CFAP57: variants seen among roughly 807,000 people sequenced by gnomAD.
The protein encoded by CFAP57 is cilia and flagella associated protein 57.
Under a neutral mutation model 146.8 loss-of-function variants are expected in CFAP57, and 116 were observed. The ratio of observed to expected loss-of-function variants is 0.79; its 90% CI spans 0.68 to 0.92. The LOEUF (loss-of-function observed/expected upper bound fraction) is 0.92, where lower values mean the gene tolerates loss of function less well. Ranked by LOEUF, CFAP57 falls within the 40% of genes least tolerant of loss-of-function variation. CFAP57 has a pLI of 0.00. For missense variants in CFAP57, 1,377 were observed against 1,527.2 expected, an observed-to-expected ratio of 0.90 and a Z score of 1.64; for synonymous variants, 518 against 552.8, an observed-to-expected ratio of 0.94 and a Z score of 0.88.
intron 2 of CFAP57, 143 bp downstream of exon 2, chr1:43,173,053 G>T: frequency 1.4e-6 from 1 of 715,638 alleles, no homozygotes; most frequent in Admixed American, 2.2e-5. Flanking sequence ...AATAAATGGC[G>T]ACTTGTATTA....
intron 8 of CFAP57, 57 bp downstream of exon 8, chr1:43,198,703 A>G (rs1042122978): frequency 8.2e-5 from 131 of 1,594,400 alleles, no homozygotes; most frequent in Middle Eastern, 3.5e-4. Context: ...CACGGCTGAA[A>G]TATCAGGAAC....
chr1:43,243,454 G>C (rs1235023409), intron 22 of CFAP57, 95 bp downstream of exon 22: 1 of 1,344,958 alleles, frequency 7.4e-7, no homozygotes, highest in African/African-American at 1.5e-5. Flanking sequence ...TCTGTATCAG[G>C]TCCCATCTAC....
chr1:43,227,128 T>C lies in CFAP57; in HGVS notation c.3009+2T>C. 1 of 1,524,624 alleles carries C rather than the reference T, an allele frequency of 6.6e-7. No homozygotes were observed. Among genetic ancestry groups the C allele is most frequent in the South Asian group, 1.3e-5 (1 of 79,506 alleles). The allele number at this position is 1,524,624 out of a possible 1,614,324, so 94.4% of individuals were successfully genotyped here. A position where few individuals can be genotyped will look rare whatever the true frequency, so the allele number is the denominator to read the frequency against. On this transcript the variant is annotated splice_donor_variant, in intron 18 of 22. Transcript: ENST00000372492. LOFTEE classifies it high-confidence loss of function. ...GTGATGAAGGAACAGATTCAGGAGG[T>C]AAGAAGCCATTTGCAACACTCTGGC... is the stretch of plus-strand genomic sequence containing the variant.
rs1645410238 is a variant in CFAP57, at chr1:43,181,615, A to G, written c.239A>G (p.Glu80Gly). The change falls in exon 3 of 23, where the codon GAA (glutamate) becomes GGA (glycine). Residue 80 changes from glutamate to glycine, a missense_variant. Transcript: ENST00000372492. ...RYLAISETVQEKPAITIYELS... is the reference protein window; with the variant it reads ...RYLAISETVQGKPAITIYELS... ...CTCGCTATCTCTGAGACTGTGCAAG[A>G]AAAACCTGCCATCACCATTTATGAA... is the stretch of plus-strand genomic sequence containing the variant. 6.2e-7 allele frequency: 1 copy of G among 1,614,208 alleles called. No homozygotes were observed.
chr1:43,213,830 A>C (rs1175836213), intron 11 of CFAP57, among the ~76,000 whole-genome samples: 1 of 149,976 alleles, frequency 6.7e-6, no homozygotes, highest in African/African-American at 2.5e-5. Flanking sequence ...TTTTTCATAT[A>C]CCTGTTGGCC....
At chr1:43,180,134 AGGT>A (rs1179170749) in intron 2 of CFAP57, among the ~76,000 whole-genome samples, 1 of 151,194 alleles carries the variant, frequency 6.6e-6, no homozygotes, top group Non-Finnish European at 1.5e-5. Flanking sequence ...TGAACCTGGG[AGGT>A]GGTGGTTGTG....
At chr1:43,232,296 C>T (rs951734462) in intron 18 of CFAP57, 5 of 592,204 alleles carry the variant, frequency 8.4e-6, no homozygotes, top group Non-Finnish European at 1.5e-5. Flanking sequence ...CGTGGAAACA[C>T]GTGATGCTGG....
At position 43,186,663 on chromosome 1, in the gene CFAP57, A is replaced by G. The variant is rs1040350554; in HGVS notation, c.970-44A>G. On this transcript the variant is annotated intron_variant, in intron 5 of 22. Transcript: ENST00000372492. ...ACTCTGAAAGCCTAAGGCCACAATG[A>G]CAACGTGGGGACATTACTGATAGCT... 7 of 1,592,944 alleles carry G rather than the reference A, an allele frequency of 4.4e-6. No homozygotes were observed. The African/African-American group carries it at 5.4e-5, about 12-fold the overall frequency.
intron 9 of CFAP57, among the ~76,000 whole-genome samples, chr1:43,203,241 A>T (rs1267317268): frequency 6.6e-6 from 1 of 152,122 alleles, no homozygotes; most frequent in East Asian, 1.9e-4. Context: ...AGAAAACTCT[A>T]GGCCCAGATC....
intron 12 of CFAP57, 25 bp downstream of exon 12, chr1:43,215,441 G>A: frequency 6.5e-7 from 1 of 1,545,096 alleles, no homozygotes; most frequent in Non-Finnish European, 8.7e-7. Context: ...TAATGAAGAG[G>A]GATATGGAAT....
chr1:43,209,310 T>G (rs1644491396), intron 10 of CFAP57, among the ~76,000 whole-genome samples: 1 of 152,320 alleles, frequency 6.6e-6, no homozygotes, highest in East Asian at 1.9e-4. Context: ...TGCATAGCAG[T>G]CAAAGCAGAG....
intron 2 of CFAP57, among the ~76,000 whole-genome samples, chr1:43,180,147 G>C (rs565300550): frequency 4.0e-5 from 6 of 150,782 alleles, no homozygotes; most frequent in Non-Finnish European, 2.9e-5. Flanking sequence ...TGGTGGTTGT[G>C]GTGAGCCGAG....
intron 21 of CFAP57, among the ~76,000 whole-genome samples, chr1:43,239,457 G>A (rs1645826277): frequency 6.6e-6 from 1 of 152,090 alleles, no homozygotes; most frequent in Non-Finnish European, 1.5e-5. Flanking sequence ...GAGGGTGGAG[G>A]GGGTGGGGAG....
At chr1:43,234,675 A>G in intron 21 of CFAP57, 37 bp downstream of exon 21, 6 of 1,527,002 alleles carry the variant, frequency 3.9e-6, no homozygotes, top group Non-Finnish European at 5.3e-6. Context: ...GTGGAGGCCA[A>G]GCCATCCAAG....
chr1:43,209,976 C>T (rs868140941), intron 11 of CFAP57, 60 bp downstream of exon 11: 1 of 1,613,484 alleles, frequency 6.2e-7, no homozygotes, highest in South Asian at 1.1e-5. Flanking sequence ...GTGCCTTGTT[C>T]ATCCCTTCAA....
chr1:43,183,571 A>C lies in CFAP57; in HGVS notation c.475-20A>C, dbSNP rs991039208. 9 of 1,612,284 alleles carry C rather than the reference A, an allele frequency of 5.6e-6. No homozygotes were observed. The African/African-American group carries it at 1.2e-4, about 22-fold the overall frequency. ...AATAGTTTCATAAATTTTTTTCTTC[A>C]ATTCTCTCACATTTTACAGGTGAGC... On this transcript the variant is annotated intron_variant, in intron 3 of 22. Coordinates refer to ENST00000372492, the MANE Select transcript of CFAP57 (RefSeq NM_001378189.1).
intron 2 of CFAP57, among the ~76,000 whole-genome samples, chr1:43,176,874 G>C (rs1645192512): frequency 6.6e-6 from 1 of 152,192 alleles, no homozygotes; most frequent in African/African-American, 2.4e-5. Flanking sequence ...GGGAGGGCAG[G>C]GGGAGTAGCC....
Position 43,254,357 on chromosome 1 carries a change from C to T in CFAP57, c.*166C>T, listed in dbSNP as rs1646390558. 1.6e-6 allele frequency: 1 copy of T among 617,520 alleles called. No homozygotes were observed. The highest frequency in any genetic ancestry group is 1.8e-5 in the African/African-American group (1 of 54,638). 38.3% of individuals were successfully genotyped at this position (617,520 alleles called of 1,614,324 possible). On this transcript the variant is annotated 3_prime_UTR_variant, in exon 23 of 23. Transcript: ENST00000372492. ...GACACAGAATAAAGGTGTTTGCCCACACCTTGTCTAACTTCTGCTTAGCTG... is the reference window on the plus strand; with the variant it reads ...GACACAGAATAAAGGTGTTTGCCCATACCTTGTCTAACTTCTGCTTAGCTG...
intron 11 of CFAP57, among the ~76,000 whole-genome samples, chr1:43,214,380 C>G (rs550122499): frequency 3.6e-4 from 55 of 152,214 alleles, no homozygotes; most frequent in Non-Finnish European, 5.7e-4. Context: ...GCTTAATGTC[C>G]TGATTGTGGC....
Sources: gnomAD v4.1 joint callset for allele counts (sites outside exome capture counted in the v4.1 genomes callset) on GRCh38, gnomAD v4.1.1 for gene constraint, MANE v1.5 for transcripts, NCBI Gene and HGNC (gene_info 2026-07-23, HGNC 2026-07-21) for gene names.